The following UBXN2B variants were observed in gnomAD, a reference collection of about 807,000 sequenced individuals.
The protein encoded by UBXN2B is UBX domain-containing protein 2B.
A neutral mutation model predicts 37.5 loss-of-function variants in UBXN2B; 19 were observed. The ratio of observed to expected loss-of-function variants is 0.51; its 90% CI spans 0.35 to 0.74. The LOEUF (loss-of-function observed/expected upper bound fraction) is 0.74. UBXN2B is among the 30% of genes least tolerant of loss of function. The pLI is 0.01. For synonymous variants in UBXN2B, 145 were observed against 143.8 expected, an observed-to-expected ratio of 1.01 and a Z score of -0.06; for missense variants, 370 against 393.2, an observed-to-expected ratio of 0.94 and a Z score of 0.50.
At chr8:58,437,336 T>A (rs1475069423) in intron 5 of UBXN2B, among the ~76,000 whole-genome samples, 1 of 143,024 alleles carries the variant, frequency 7.0e-6, no homozygotes, top group African/African-American at 2.6e-5. Flanking sequence ...TTTTTTTTTT[T>A]TTTTTTTTTG....
chr8:58,428,543 A>G (rs1189711907), intron 2 of UBXN2B, among the ~76,000 whole-genome samples: 1 of 152,146 alleles, frequency 6.6e-6, no homozygotes. Context: ...CTCTGTGCTT[A>G]TCTAAGTCCT....
At chr8:58,417,637 A>G (rs1158563145) in intron 2 of UBXN2B, among the ~76,000 whole-genome samples, 5 of 152,216 alleles carry the variant, frequency 3.3e-5, no homozygotes, top group African/African-American at 1.2e-4. Flanking sequence ...TTAGTACTGT[A>G]AATACCATCC....
intron 7 of UBXN2B, among the ~76,000 whole-genome samples, chr8:58,446,779 A>ACTTTTTTTTTTTTT (rs1808682324): frequency 5.8e-5 from 1 of 17,386 alleles, no homozygotes; most frequent in East Asian, 2.0e-3. Context: ...TACAACCTGC[A>ACTTTTTTTTTTTTT]TTTTTTTTTT....
At position 58,439,890 on chromosome 8, in the gene UBXN2B, A is replaced by G. The variant is rs991278082; in HGVS notation, c.671+120A>G. 1.4e-4 allele frequency: 110 copies of G among 812,230 alleles called. No homozygotes were observed. The Admixed American group carries it at 3.2e-3, about 23-fold the overall frequency. The allele number at this position is 812,230 out of a possible 1,614,324, so 50.3% of individuals were successfully genotyped here. A position where few individuals can be genotyped will look rare whatever the true frequency, so the allele number is the denominator to read the frequency against. On this transcript the variant is annotated intron_variant, in intron 6 of 7. Transcript: ENST00000399598. ...AATATGAACCATGCACATTAGATATATACATCTGTTAATATTATATCATAA... is the reference window on the plus strand; with the variant it reads ...AATATGAACCATGCACATTAGATATGTACATCTGTTAATATTATATCATAA...
intron 2 of UBXN2B, chr8:58,425,175 T>C (rs1808047381): frequency 3.4e-6 from 3 of 890,718 alleles, no homozygotes. Context: ...GTTTAAGTTC[T>C]CTTAGCATAT....
At chr8:58,422,514 G>A (rs964457289) in intron 2 of UBXN2B, among the ~76,000 whole-genome samples, 2 of 152,212 alleles carry the variant, frequency 1.3e-5, no homozygotes, top group Non-Finnish European at 2.9e-5. Flanking sequence ...AGGCGAAGAG[G>A]GATGTCTTTG....
In UBXN2B at chr8:58,439,672, C is replaced by T; in HGVS notation, c.573C>T (p.Gly191=). The T allele has an allele frequency of 6.2e-7, 1 of 1,611,224 alleles. No homozygotes were observed. Among genetic ancestry groups the T allele is most frequent in the Non-Finnish European group, 8.5e-7 (1 of 1,179,172 alleles). The part of the protein sequence containing the change: ...PLELQRLVHG[G]QVNLDMEDHQ... ...AGCTTCAGCGCCTTGTTCATGGTGGCCAAGTGAATTTGGATATGGAGGATC... is the reference window on the plus strand; with the variant it reads ...AGCTTCAGCGCCTTGTTCATGGTGGTCAAGTGAATTTGGATATGGAGGATC... The change falls in exon 6 of 8, where the codon GGC becomes GGT. Residue 191 remains glycine (G), a synonymous_variant. Transcript: ENST00000399598.
At chr8:58,414,320 C>A (rs1807716220) in intron 1 of UBXN2B, among the ~76,000 whole-genome samples, 1 of 152,094 alleles carries the variant, frequency 6.6e-6, no homozygotes, top group Non-Finnish European at 1.5e-5. Context: ...CCTAGAAGTT[C>A]CCAGGTGTCT....
intron 5 of UBXN2B, among the ~76,000 whole-genome samples, chr8:58,436,728 C>T (rs914928234): frequency 2.0e-5 from 3 of 152,146 alleles, no homozygotes; most frequent in Non-Finnish European, 2.9e-5. Flanking sequence ...AGCCTGGAAC[C>T]TCCCCTTCTC....
At chr8:58,416,497 C>T (rs1353686270) in intron 1 of UBXN2B, among the ~76,000 whole-genome samples, 1 of 151,980 alleles carries the variant, frequency 6.6e-6, no homozygotes, top group African/African-American at 2.4e-5. Flanking sequence ...AAGAAGCTGA[C>T]GTTAGTGTGA....
At position 58,440,348 on chromosome 8, in the gene UBXN2B, C is replaced by T. The variant is rs529339841; in HGVS notation, c.671+578C>T. Among the ~76,000 whole-genome samples, 3 of 152,284 alleles carry T rather than the reference C, an allele frequency of 2.0e-5. No individual in the cohort carries two copies. In the South Asian group the frequency reaches 6.2e-4, roughly 32 times the overall value. ...CTTGCAGCAGGAGCAATGTGCTTAG[C>T]TTTGTGATTTTCAATAGTTTTTAAA... On this transcript the variant is annotated intron_variant, in intron 6 of 7. Transcript: ENST00000399598.
intron 7 of UBXN2B, 99 bp from the exon 8 acceptor site, chr8:58,447,289 TA>T: frequency 8.8e-7 from 1 of 1,137,732 alleles, no homozygotes; most frequent in Non-Finnish European, 1.2e-6. Flanking sequence ...CACCTTTATA[TA>T]AAGATTAAAA....
chr8:58,412,874 C>G (rs893190117), intron 1 of UBXN2B, among the ~76,000 whole-genome samples: 3 of 152,196 alleles, frequency 2.0e-5, no homozygotes, highest in Non-Finnish European at 4.4e-5. Context: ...TCAGTTGTTG[C>G]TGGGCAAATA....
chr8:58,417,829 T>A (rs1277060694), intron 2 of UBXN2B, among the ~76,000 whole-genome samples: 1 of 152,232 alleles, frequency 6.6e-6, no homozygotes, highest in Admixed American at 6.5e-5. Context: ...CTCTCTTTTT[T>A]ACTCAACTAT....
In UBXN2B at chr8:58,450,514, G is replaced by A. The variant is rs1281595544; in HGVS notation, c.*2963G>A. On this transcript the variant is annotated 3_prime_UTR_variant, in exon 8 of 8. Coordinates refer to ENST00000399598, the MANE Select transcript of UBXN2B (RefSeq NM_001077619.2). The stretch of plus-strand genomic sequence containing the variant: ...ATTTAGATATTCTATGGCAATCGAG[G>A]TATTCTCTATTATGCTCCTTTCTTC... 2 of 152,070 alleles carry A rather than the reference G, an allele frequency of 1.3e-5. No individual in the cohort carries two copies. Among genetic ancestry groups the A allele is most frequent in the Non-Finnish European group, 2.9e-5 (2 of 68,018 alleles). The allele number at this position is 152,070 out of a possible 1,614,324, so 9.4% of individuals were successfully genotyped here.
intron 2 of UBXN2B, chr8:58,424,693 G>GT: frequency 7.5e-7 from 1 of 1,330,996 alleles, no homozygotes; most frequent in Non-Finnish European, 1.1e-6. Flanking sequence ...AAGGCGGGGG[G>GT]GGGGGCTCTG....
At chr8:58,446,133 A>G in intron 7 of UBXN2B, 65 bp downstream of exon 7, 1 of 1,456,794 alleles carries the variant, frequency 6.9e-7, no homozygotes, top group Non-Finnish European at 9.1e-7. Context: ...ATCTAAGTAG[A>G]ACTGTATGTG....
intron 2 of UBXN2B, among the ~76,000 whole-genome samples, chr8:58,419,209 A>G (rs896964719): frequency 2.6e-5 from 4 of 152,150 alleles, no homozygotes; most frequent in African/African-American, 7.2e-5. Flanking sequence ...ATTGTTCGCA[A>G]TCTTTTTTTC....
intron 1 of UBXN2B, among the ~76,000 whole-genome samples, chr8:58,415,652 C>T (rs978034471): frequency 6.6e-6 from 1 of 152,004 alleles, no homozygotes; most frequent in East Asian, 1.9e-4. Flanking sequence ...CAAATGACTA[C>T]GGTGATTTTT....
Sources: allele counts gnomAD v4.1 joint callset (sites outside exome capture counted in the v4.1 genomes callset), GRCh38; gene constraint gnomAD v4.1.1; transcripts MANE v1.5; gene names NCBI Gene and HGNC (gene_info 2026-07-23, HGNC 2026-07-21).